RAB38: variants seen among roughly 807,000 people sequenced by gnomAD.
RAB38 encodes ras-related protein Rab-38.
In RAB38, 15 loss-of-function variants were observed where a neutral mutation model predicts 18.4. The ratio of observed to expected loss-of-function variants is 0.82; its 90% confidence interval spans 0.55 to 1.26. The LOEUF is 1.26. Ranked by LOEUF, RAB38 falls within the 50% of genes most tolerant of loss-of-function variation. RAB38 has a pLI of 0.00. For synonymous variants in RAB38, 101 were observed against 104.4 expected, an observed-to-expected ratio of 0.97 and a Z score of 0.20; for missense variants, 294 against 267.4, an observed-to-expected ratio of 1.10 and a Z score of -0.69.
chr11:88,086,497 C>A, the RAB38 span, among the ~76,000 whole-genome samples: 13 of 151,990 alleles, frequency 8.6e-5, no homozygotes, highest in African/African-American at 3.1e-4. Flanking sequence ...TTCCTAATTA[C>A]GCTGGTGATG....
intron 2 of RAB38, among the ~76,000 whole-genome samples, chr11:88,141,718 T>C (rs1942916238): frequency 6.6e-6 from 1 of 152,200 alleles, no homozygotes; most frequent in Non-Finnish European, 1.5e-5. Context: ...CTCCACCTTA[T>C]CCTTCAGCCT....
At chr11:88,097,154 T>A in the RAB38 span, among the ~76,000 whole-genome samples, 96 of 151,928 alleles carry the variant, frequency 6.3e-4, 1 homozygote, top group African/African-American at 2.1e-3. Flanking sequence ...GAGACTTTCC[T>A]TTCCATTCCT....
the RAB38 span, among the ~76,000 whole-genome samples, chr11:88,078,579 G>A: frequency 6.6e-6 from 1 of 151,634 alleles, no homozygotes; most frequent in African/African-American, 2.4e-5. Flanking sequence ...GCAGCAACCT[G>A]GGTGGAACTG....
At chr11:87,855,188 G>A in the RAB38 span, among the ~76,000 whole-genome samples, 7 of 152,078 alleles carry the variant, frequency 4.6e-5, no homozygotes, top group African/African-American at 1.7e-4. Flanking sequence ...GTAAGCTAAG[G>A]AAATTTATTT....
intron 1 of RAB38, among the ~76,000 whole-genome samples, chr11:88,153,915 A>T (rs1943093875): frequency 6.6e-6 from 1 of 152,240 alleles, no homozygotes; most frequent in Non-Finnish European, 1.5e-5. Context: ...TGGGCTTTAT[A>T]TCAAGAAGGA....
chr11:87,930,164 A>C, the RAB38 span, among the ~76,000 whole-genome samples: 6 of 152,080 alleles, frequency 3.9e-5, no homozygotes, highest in South Asian at 1.2e-3. Flanking sequence ...TGGTTGAACT[A>C]GTTTACAGTC....
At chr11:87,881,355 G>A in the RAB38 span, among the ~76,000 whole-genome samples, 1 of 151,866 alleles carries the variant, frequency 6.6e-6, no homozygotes, top group Admixed American at 6.6e-5. Context: ...GGTATTGAAT[G>A]CCTATCCAGT....
the RAB38 span, among the ~76,000 whole-genome samples, chr11:87,842,814 GCGCACACACACACACA>G: frequency 1.3e-5 from 1 of 76,146 alleles, no homozygotes; most frequent in East Asian, 3.1e-4. Context: ...ACACACGCGC[GCGCACACACACACACA>G]CACACACACA....
chr11:88,172,850 A>G (rs1313016170), intron 1 of RAB38, among the ~76,000 whole-genome samples: 1 of 152,190 alleles, frequency 6.6e-6, no homozygotes, highest in Non-Finnish European at 1.5e-5. Context: ...CTGCTGTCCA[A>G]TCTATAATTC....
chr11:88,061,675 A>G, the RAB38 span: 2 of 151,612 alleles, frequency 1.3e-5, no homozygotes, highest in Admixed American at 1.3e-4. Context: ...TTTTTTTTCC[A>G]CAGGACCTAG....
At chr11:87,977,697 A>G in the RAB38 span, among the ~76,000 whole-genome samples, 49 of 117,330 alleles carry the variant, frequency 4.2e-4, no homozygotes, top group South Asian at 7.5e-3. Flanking sequence ...TATAATATAT[A>G]GGGATATATT....
chr11:88,087,398 G>C, the RAB38 span, among the ~76,000 whole-genome samples: 1 of 151,958 alleles, frequency 6.6e-6, no homozygotes, highest in Non-Finnish European at 1.5e-5. Context: ...TGTTCTGCAG[G>C]CTTTACAGGC....
At chr11:88,035,096 CTT>C in the RAB38 span, among the ~76,000 whole-genome samples, 1 of 152,086 alleles carries the variant, frequency 6.6e-6, no homozygotes, top group Non-Finnish European at 1.5e-5. Flanking sequence ...GGACATTTCT[CTT>C]TTTTTGATCA....
chr11:87,838,124 T>TA, the RAB38 span, among the ~76,000 whole-genome samples: 605 of 142,912 alleles, frequency 4.2e-3, 1 homozygote, highest in African/African-American at 0.015. Context: ...TTTTTATTTT[T>TA]TTTTTTTTGA....
At chr11:87,806,960 G>A in the RAB38 span, among the ~76,000 whole-genome samples, 2 of 152,136 alleles carry the variant, frequency 1.3e-5, no homozygotes, top group Non-Finnish European at 2.9e-5. Flanking sequence ...TAGCCTGTTA[G>A]GAACCAGGCT....
the RAB38 span, among the ~76,000 whole-genome samples, chr11:87,950,549 C>T: frequency 6.6e-6 from 1 of 152,126 alleles, no homozygotes; most frequent in Non-Finnish European, 1.5e-5. Context: ...ATGTTTAGTG[C>T]TTCCTTCAGG....
the RAB38 span, among the ~76,000 whole-genome samples, chr11:87,923,423 T>G: frequency 9.2e-5 from 14 of 151,926 alleles, no homozygotes; most frequent in African/African-American, 3.4e-4. Context: ...TGGAAATAAT[T>G]TATTTATTTA....
chr11:87,900,661 TAGGAAGGAAGGAAGGA>T, the RAB38 span, among the ~76,000 whole-genome samples: 2,428 of 131,300 alleles, frequency 0.018, 74 homozygotes, highest in East Asian at 0.14. Context: ...GAAAGAAAGG[TAGGAAGGAAGGAAGGA>T]AGGAAGGAAG....
At chr11:88,094,023 C>G in the RAB38 span, among the ~76,000 whole-genome samples, 1 of 151,922 alleles carries the variant, frequency 6.6e-6, no homozygotes, top group Non-Finnish European at 1.5e-5. Context: ...ACAGAGGACA[C>G]AGCTTTAATG....
Sources: allele counts gnomAD v4.1 joint callset (sites outside exome capture counted in the v4.1 genomes callset), GRCh38; gene constraint gnomAD v4.1.1; transcripts MANE v1.5; gene names NCBI Gene and HGNC (gene_info 2026-07-23, HGNC 2026-07-21).